Variants in GPM6A observed in about 807,000 individuals in gnomAD.
GPM6A encodes neuronal membrane glycoprotein M6-a.
Under a neutral mutation model 32.1 loss-of-function variants are expected in GPM6A, and 7 were observed. The ratio of observed to expected loss-of-function variants is 0.22; its 90% confidence interval spans 0.12 to 0.41. GPM6A has a LOEUF of 0.41. Among genes scored for constraint, GPM6A ranks in the 10% least tolerant of loss-of-function variants. The probability of loss-of-function intolerance (pLI) is 1.00; values close to 1 mark genes in which losing one functional copy is unlikely to be tolerated. For missense variants in GPM6A, 235 were observed against 347.2 expected, an observed-to-expected ratio of 0.68 and a Z score of 2.57; for synonymous variants, 130 against 123.4, an observed-to-expected ratio of 1.05 and a Z score of -0.35.
At position 175,691,322 on chromosome 4, in the gene GPM6A, A is replaced by T. The variant is rs185155749; in HGVS notation, c.230+10253T>A. Among the ~76,000 whole-genome samples the T allele has an allele frequency of 3.3e-5, 5 of 152,302 alleles. No homozygotes were observed. In the East Asian group the frequency reaches 9.6e-4, roughly 29 times the overall value. On this transcript the variant is annotated intron_variant, in intron 2 of 6. Transcript: ENST00000393658. ...AATCATCCATATTATCCTACTTCTTAAGGGATTAATTCACTTACTTTACCT... is the reference window on the plus strand; with the variant it reads ...AATCATCCATATTATCCTACTTCTTTAGGGATTAATTCACTTACTTTACCT...
At chr4:175,836,322 A>G (rs1399323901) in intron 1 of GPM6A, among the ~76,000 whole-genome samples, 5 of 152,046 alleles carry the variant, frequency 3.3e-5, no homozygotes, top group East Asian at 1.9e-4. Context: ...CTTTCACTCA[A>G]CTAATGTCTT....
chr4:175,736,782 T>C (rs1237277336), intron 1 of GPM6A, among the ~76,000 whole-genome samples: 1 of 152,214 alleles, frequency 6.6e-6, no homozygotes, highest in African/African-American at 2.4e-5. Flanking sequence ...ATGCAGAGCG[T>C]CACCATGTTT....
chr4:175,830,949 T>A (rs1338960008), intron 1 of GPM6A, among the ~76,000 whole-genome samples: 2 of 152,220 alleles, frequency 1.3e-5, no homozygotes, highest in East Asian at 3.8e-4. Flanking sequence ...ACAATTTTTA[T>A]TTATCCCCTA....
At chr4:175,853,817 T>C (rs1453053507) in intron 1 of GPM6A, among the ~76,000 whole-genome samples, 1 of 152,166 alleles carries the variant, frequency 6.6e-6, no homozygotes, top group Non-Finnish European at 1.5e-5. Context: ...CTTTAAGCCT[T>C]CTTAGCAAGT....
chr4:175,815,727 T>TTC (rs1038509046), upstream of GPM6A, among the ~76,000 whole-genome samples: 3 of 148,566 alleles, frequency 2.0e-5, no homozygotes, highest in African/African-American at 7.4e-5. Context: ...TCTTTTTTTT[T>TTC]TTTTTTTGAG....
chr4:175,673,705 G>T lies in GPM6A; in HGVS notation c.362C>A (p.Thr121Asn). The T allele has an allele frequency of 6.2e-7, 1 of 1,610,224 alleles. No individual in the cohort carries two copies. The highest frequency in any genetic ancestry group is 1.7e-5 in the Admixed American group (1 of 59,960). ...CCAAGCGCTCACACATCTGCCACAA[G>T]TGGTGATTTTGAAATCCCCATAGAG... Reference protein sequence around the residue: ...KDLYGDFKITTCGRCVSAWFI... With the variant: ...KDLYGDFKITNCGRCVSAWFI... The change falls in exon 3 of 7, where the codon ACT (threonine) becomes AAT (asparagine). Residue 121 changes from threonine (T) to asparagine (N), a missense_variant. Transcript: ENST00000393658.
intron 1 of GPM6A, among the ~76,000 whole-genome samples, chr4:175,756,335 G>A (rs891709653): frequency 2.6e-5 from 4 of 152,096 alleles, no homozygotes; most frequent in Non-Finnish European, 5.9e-5. Context: ...TGAAAACATA[G>A]AGATTAGCAA....
Position 175,812,186 on chromosome 4 carries a change from A to G in GPM6A, c.37+5T>C, listed in dbSNP as rs1049505859. On this transcript the variant is annotated splice_donor_5th_base_variant and intron_variant, in intron 1 of 6. Coordinates refer to ENST00000393658, the MANE Select transcript of GPM6A (RefSeq NM_201591.3). Reference sequence around the variant, plus strand: ...AGTTACAAATAAACGCTTTTAGCACAGTACCTTTTTGTGTCTGTCCCTCTT... The same window carrying G: ...AGTTACAAATAAACGCTTTTAGCACGGTACCTTTTTGTGTCTGTCCCTCTT... The G allele has an allele frequency of 3.8e-6, 6 of 1,580,552 alleles. No individual in the cohort carries two copies. The highest frequency in any genetic ancestry group is 3.5e-6 in the Non-Finnish European group (4 of 1,154,252).
At chr4:175,662,657 A>G (rs1308622872) in intron 3 of GPM6A, among the ~76,000 whole-genome samples, 1 of 152,116 alleles carries the variant, frequency 6.6e-6, no homozygotes, top group East Asian at 1.9e-4. Context: ...TTAAATATTT[A>G]GGTTATTAGG....
At chr4:175,761,115 A>G (rs1732720077) in intron 1 of GPM6A, among the ~76,000 whole-genome samples, 1 of 152,172 alleles carries the variant, frequency 6.6e-6, no homozygotes, top group South Asian at 2.1e-4. Flanking sequence ...CAAGATCTAC[A>G]CTGAGCTAGA....
chr4:175,893,365 T>C (rs61588625), intron 1 of GPM6A, among the ~76,000 whole-genome samples: 2,282 of 152,326 alleles, frequency 0.015, 56 homozygotes, highest in African/African-American at 0.052. Context: ...CGTTTTTTAT[T>C]TTTTGAAGTA....
At chr4:175,799,671 C>CTTTTTTTTTTTT (rs374571140) in intron 1 of GPM6A, among the ~76,000 whole-genome samples, 1,291 of 121,802 alleles carry the variant, frequency 0.011, 96 homozygotes, top group South Asian at 0.04. Context: ...CAAGTGTTTT[C>CTTTTTTTTTTTT]TTTTTTTTTT....
At chr4:175,833,067 T>A (rs905542651) in intron 1 of GPM6A, among the ~76,000 whole-genome samples, 1 of 151,968 alleles carries the variant, frequency 6.6e-6, no homozygotes, top group African/African-American at 2.4e-5. Flanking sequence ...AAGGAGTGAG[T>A]GTAAGGAGTA....
intron 1 of GPM6A, among the ~76,000 whole-genome samples, chr4:175,929,086 T>C (rs1738940782): frequency 6.6e-6 from 1 of 152,208 alleles, no homozygotes; most frequent in Admixed American, 6.5e-5. Flanking sequence ...ACACATTATC[T>C]TTCAATAGAT....
At chr4:175,676,507 G>A (rs185614570) in intron 2 of GPM6A, among the ~76,000 whole-genome samples, 4 of 152,320 alleles carry the variant, frequency 2.6e-5, no homozygotes, top group East Asian at 3.9e-4. Context: ...CCACCGCTTC[G>A]AGAGGCTGAG....
intron 1 of GPM6A, among the ~76,000 whole-genome samples, chr4:175,942,699 G>A (rs753811785): frequency 1.8e-4 from 27 of 152,018 alleles, no homozygotes; most frequent in Admixed American, 5.2e-4. Context: ...GAAGTGTGGC[G>A]TTATTTCTGA....
chr4:175,879,870 C>T (rs991703980), intron 1 of GPM6A, among the ~76,000 whole-genome samples: 3 of 151,902 alleles, frequency 2.0e-5, no homozygotes, highest in Non-Finnish European at 4.4e-5. Context: ...ATTGAAAAAG[C>T]CCATTTAAAC....
chr4:175,797,331 C>A (rs1220768194), intron 1 of GPM6A, among the ~76,000 whole-genome samples: 3 of 151,986 alleles, frequency 2.0e-5, no homozygotes, highest in African/African-American at 7.3e-5. Context: ...TTCATTGGGG[C>A]TTTCATAATC....
chr4:175,646,235 C>G (rs185984707), intron 4 of GPM6A, among the ~76,000 whole-genome samples: 1 of 152,250 alleles, frequency 6.6e-6, no homozygotes, highest in Admixed American at 6.5e-5. Context: ...AAAAATATAA[C>G]CAATATTTTA....
Sources: allele counts gnomAD v4.1 joint callset (sites outside exome capture counted in the v4.1 genomes callset), GRCh38; gene constraint gnomAD v4.1.1; transcripts MANE v1.5; gene names NCBI Gene and HGNC (gene_info 2026-07-23, HGNC 2026-07-21).